The following SLC8A1 variants were observed in gnomAD, a reference collection of about 807,000 sequenced individuals.
SLC8A1 encodes solute carrier family 8 member A1.
SLC8A1 carries 18 observed loss-of-function variants against 68.3 expected under a neutral mutation model. That is an observed-to-expected ratio of 0.26 (90% CI 0.18 to 0.39). The LOEUF (loss-of-function observed/expected upper bound fraction) is 0.39, where lower values mean the gene tolerates loss of function less well. Among genes scored for constraint, SLC8A1 ranks in the 10% least tolerant of loss-of-function variants. The pLI, the probability that SLC8A1 is intolerant of heterozygous loss-of-function variation, is 1.00. For missense variants in SLC8A1, 985 were observed against 1,156.7 expected (o/e 0.85, Z 2.15); for synonymous variants, 475 against 415.5 (o/e 1.14, Z -1.74).
At chr2:40,413,867 T>C (rs1692987972) in intron 2 of SLC8A1, among the ~76,000 whole-genome samples, 1 of 152,158 alleles carries the variant, frequency 6.6e-6, no homozygotes, top group African/African-American at 2.4e-5. Flanking sequence ...TCTTAAACTA[T>C]AGGTTGACCC....
chr2:40,433,011 C>A (rs755839040), intron 1 of SLC8A1, among the ~76,000 whole-genome samples: 2 of 152,086 alleles, frequency 1.3e-5, no homozygotes, highest in Non-Finnish European at 2.9e-5. Flanking sequence ...AATAGTAGTA[C>A]TGAACATAAA....
intron 1 of SLC8A1, among the ~76,000 whole-genome samples, chr2:40,465,485 T>C (rs1456773360): frequency 6.6e-6 from 1 of 152,172 alleles, no homozygotes; most frequent in East Asian, 1.9e-4. Context: ...TTAGCAAGCA[T>C]TTATAGCTGT....
At chr2:40,178,615 C>T (rs1313921232) in intron 2 of SLC8A1, 122 bp from the exon 3 acceptor site, 2 of 784,618 alleles carry the variant, frequency 2.5e-6, no homozygotes, top group Non-Finnish European at 4.2e-6. Flanking sequence ...CGAGAAACTT[C>T]TGTACTGTGA....
At chr2:40,498,178 T>A (rs1171332920) in intron 1 of SLC8A1, among the ~76,000 whole-genome samples, 3 of 152,036 alleles carry the variant, frequency 2.0e-5, no homozygotes, top group African/African-American at 4.8e-5. Context: ...CATGTTAAAT[T>A]TGAGTCTTTA....
At chr2:40,356,777 T>C (rs1233889969) in intron 2 of SLC8A1, among the ~76,000 whole-genome samples, 1 of 152,146 alleles carries the variant, frequency 6.6e-6, no homozygotes, top group Non-Finnish European at 1.5e-5. Context: ...CTGTCAACTC[T>C]CCCAACTCTG....
At chr2:40,166,447 T>C (rs115201446) in intron 4 of SLC8A1, among the ~76,000 whole-genome samples, 2,705 of 152,292 alleles carry the variant, frequency 0.018, 29 homozygotes, top group Non-Finnish European at 0.03. Context: ...GCCTCAGAGA[T>C]TACAGGGCAC....
At chr2:40,151,141 C>G (rs1468929177) in intron 6 of SLC8A1, among the ~76,000 whole-genome samples, 1 of 152,134 alleles carries the variant, frequency 6.6e-6, no homozygotes, top group East Asian at 1.9e-4. Flanking sequence ...TTTGCAAATA[C>G]ACAGATAAAT....
intron 2 of SLC8A1, among the ~76,000 whole-genome samples, chr2:40,387,357 T>C (rs1048838214): frequency 3.3e-5 from 5 of 151,578 alleles, no homozygotes; most frequent in Non-Finnish European, 7.4e-5. Context: ...GAAATTGATA[T>C]ATTCTATTCA....
chr2:40,362,832 C>T (rs1050543572), intron 2 of SLC8A1, among the ~76,000 whole-genome samples: 2 of 152,078 alleles, frequency 1.3e-5, no homozygotes, highest in African/African-American at 4.8e-5. Flanking sequence ...TCTGTGTTCT[C>T]ATAATTATAA....
At chr2:40,337,808 C>A (rs1379961481) in intron 2 of SLC8A1, among the ~76,000 whole-genome samples, 1 of 152,138 alleles carries the variant, frequency 6.6e-6, no homozygotes, top group Non-Finnish European at 1.5e-5. Context: ...TGTACATCTT[C>A]CGAAGTACAG....
At chr2:40,187,282 A>C (rs2050870946) in intron 2 of SLC8A1, among the ~76,000 whole-genome samples, 1 of 152,184 alleles carries the variant, frequency 6.6e-6, no homozygotes, top group South Asian at 2.1e-4. Flanking sequence ...TCCTGCTATG[A>C]AGCCTAGCCT....
In SLC8A1 at chr2:40,206,353, T is replaced by G. The variant is rs2055443467; in HGVS notation, c.1809-28498A>C. On this transcript the variant is annotated intron_variant, in intron 2 of 7. Transcript: ENST00000406785. ...TTATTTTAATCTGTCCTGAATGTAA[T>G]TATTTGATCAAGCTATTGTCACAAA... is the stretch of plus-strand genomic sequence containing the variant. 1.3e-5 allele frequency among the ~76,000 whole-genome samples: 2 copies of G among 152,098 alleles called. 1 individual carries two copies. The highest frequency in any genetic ancestry group is 2.9e-5 in the Non-Finnish European group (2 of 68,004).
chr2:40,421,290 T>G (rs1467791502), intron 2 of SLC8A1, among the ~76,000 whole-genome samples: 1 of 152,066 alleles, frequency 6.6e-6, no homozygotes, highest in Non-Finnish European at 1.5e-5. Flanking sequence ...GGTGAGAAAG[T>G]TGACTCAGAA....
intron 2 of SLC8A1, chr2:40,210,030 A>G (rs2056292124): frequency 6.6e-6 from 1 of 152,218 alleles, no homozygotes; most frequent in Non-Finnish European, 1.5e-5. Context: ...GGCAGGTGAG[A>G]GAATGTATAT....
chr2:40,341,444 A>G (rs556645250), intron 2 of SLC8A1, among the ~76,000 whole-genome samples: 5 of 152,300 alleles, frequency 3.3e-5, no homozygotes, highest in African/African-American at 9.6e-5. Context: ...AGTAAATGAG[A>G]TAGTAGTTCT....
At chr2:40,099,609 A>C (rs1290354840) in exon 8 of SLC8A1, 2 of 152,032 alleles carry the variant, frequency 1.3e-5, no homozygotes, top group Non-Finnish European at 2.9e-5. Context: ...TGAATACAGA[A>C]TATGAATAGG....
chr2:40,123,028 C>T (rs188146973), intron 7 of SLC8A1: 32 of 152,242 alleles, frequency 2.1e-4, no homozygotes, highest in African/African-American at 5.3e-4. Flanking sequence ...AAACCAGCAG[C>T]GCAGCACTAT....
intron 2 of SLC8A1, among the ~76,000 whole-genome samples, chr2:40,413,606 T>G (rs552890288): frequency 2.6e-5 from 4 of 152,166 alleles, no homozygotes; most frequent in Non-Finnish European, 5.9e-5. Context: ...CCCTCCAAAT[T>G]ATATGAAAGT....
chr2:40,405,497 C>T (rs1490651458), intron 2 of SLC8A1, among the ~76,000 whole-genome samples: 1 of 152,186 alleles, frequency 6.6e-6, no homozygotes, highest in African/African-American at 2.4e-5. Flanking sequence ...GCTTTTCCAG[C>T]ACATCCGACT....
Sources: allele counts gnomAD v4.1 joint callset (sites outside exome capture counted in the v4.1 genomes callset), GRCh38; gene constraint gnomAD v4.1.1; transcripts MANE v1.5; gene names NCBI Gene and HGNC (gene_info 2026-07-23, HGNC 2026-07-21).